Variants in CALN1 observed in about 807,000 individuals in gnomAD.
CALN1 encodes calcium-binding protein 8.
A neutral mutation model predicts 30.6 loss-of-function variants in CALN1; 17 were observed. The ratio of observed to expected loss-of-function variants is 0.56; its 90% CI spans 0.38 to 0.83. CALN1 has a LOEUF of 0.83. Among genes scored for constraint, CALN1 ranks in the 40% least tolerant of loss-of-function variants. The pLI is 0.00. For synonymous variants in CALN1, 156 were observed against 131.4 expected, an observed-to-expected ratio of 1.19 and a Z score of -1.28; for missense variants, 291 against 354.9, an observed-to-expected ratio of 0.82 and a Z score of 1.45.
At chr7:72,457,443 C>G in the CALN1 span, among the ~76,000 whole-genome samples, 1 of 152,084 alleles carries the variant, frequency 6.6e-6, no homozygotes, top group Non-Finnish European at 1.5e-5. Flanking sequence ...CTTGCAACTC[C>G]CAGAAGAGGT....
chr7:72,133,419 T>G lies in CALN1; in HGVS notation c.245-27125A>C, dbSNP rs1387541566. Among the ~76,000 whole-genome samples, 3 of 152,176 alleles carry G rather than the reference T, an allele frequency of 2.0e-5. No homozygotes were observed. The East Asian group carries it at 5.8e-4, about 29-fold the overall frequency. ...GTCCATACTGATATGAATGAATGAA[T>G]AAGACAAGGCTCTTACTTACAGAAT... is the stretch of plus-strand genomic sequence containing the variant. On this transcript the variant is annotated intron_variant, in intron 3 of 6. Transcript: ENST00000395275.
chr7:72,084,680 G>A (rs1341625815), intron 4 of CALN1, among the ~76,000 whole-genome samples: 1 of 151,866 alleles, frequency 6.6e-6, no homozygotes, highest in Non-Finnish European at 1.5e-5. Context: ...TTTTTCAACA[G>A]GAACCAAAGA....
chr7:72,285,374 G>C (rs879272664), intron 2 of CALN1, among the ~76,000 whole-genome samples: 1 of 152,114 alleles, frequency 6.6e-6, no homozygotes, highest in Non-Finnish European at 1.5e-5. Context: ...CTCCCAAGTA[G>C]CTGGGATTAC....
At chr7:72,246,751 C>A (rs1470239281) in intron 3 of CALN1, among the ~76,000 whole-genome samples, 7 of 77,236 alleles carry the variant, frequency 9.1e-5, no homozygotes, top group East Asian at 6.5e-4. Flanking sequence ...CCTACCAGAA[C>A]AATTTTTTTT....
intron 4 of CALN1, among the ~76,000 whole-genome samples, chr7:72,063,944 T>C (rs1181739285): frequency 1.3e-5 from 2 of 152,162 alleles, no homozygotes; most frequent in Admixed American, 6.5e-5. Flanking sequence ...TATGGATGAA[T>C]TGGACATATG....
intron 3 of CALN1, among the ~76,000 whole-genome samples, chr7:72,199,425 G>T (rs1791260576): frequency 6.6e-6 from 1 of 152,142 alleles, no homozygotes; most frequent in Admixed American, 6.5e-5. Context: ...GAAGGAACTG[G>T]CCAAGCACAG....
intron 5 of CALN1, among the ~76,000 whole-genome samples, chr7:71,885,302 C>T (rs1004946312): frequency 2.6e-5 from 4 of 152,160 alleles, no homozygotes; most frequent in Non-Finnish European, 5.9e-5. Flanking sequence ...CAGGCGCCTG[C>T]CACCACACCT....
chr7:72,389,125 G>A (rs1043879136), intron 2 of CALN1, among the ~76,000 whole-genome samples: 11 of 152,180 alleles, frequency 7.2e-5, no homozygotes, highest in Non-Finnish European at 1.6e-4. Context: ...GCAGTATTCT[G>A]AGCAGGTGCT....
chr7:72,442,395 G>A (rs1808375471), intron 1 of CALN1, among the ~76,000 whole-genome samples: 1 of 152,170 alleles, frequency 6.6e-6, no homozygotes, highest in Non-Finnish European at 1.5e-5. Context: ...TATTTATTCA[G>A]GATTGCATTC....
chr7:72,096,700 CA>C (rs1806258690), intron 4 of CALN1, among the ~76,000 whole-genome samples: 1 of 152,196 alleles, frequency 6.6e-6, no homozygotes, highest in Non-Finnish European at 1.5e-5. Flanking sequence ...AAAAGTTTTA[CA>C]CTGATGGTGG....
chr7:72,178,887 T>G (rs1477561615), intron 3 of CALN1, among the ~76,000 whole-genome samples: 1 of 152,194 alleles, frequency 6.6e-6, no homozygotes, highest in East Asian at 1.9e-4. Flanking sequence ...TCAAGTTTAT[T>G]TGATAAAGTC....
At chr7:72,232,269 C>G (rs1341723085) in intron 3 of CALN1, among the ~76,000 whole-genome samples, 1 of 152,096 alleles carries the variant, frequency 6.6e-6, no homozygotes, top group African/African-American at 2.4e-5. Context: ...GAACCGTCAT[C>G]GCAGAGGTGA....
chr7:71,909,005 A>G (rs927664207), intron 5 of CALN1, among the ~76,000 whole-genome samples: 1 of 152,110 alleles, frequency 6.6e-6, no homozygotes, highest in Non-Finnish European at 1.5e-5. Flanking sequence ...TCTCCGTGAC[A>G]TTTTATTGAT....
chr7:72,250,024 C>G (rs139932510), intron 3 of CALN1, among the ~76,000 whole-genome samples: 39 of 152,054 alleles, frequency 2.6e-4, no homozygotes, highest in African/African-American at 9.2e-4. Flanking sequence ...AAGACCGCTC[C>G]TTTAACTCAG....
At chr7:72,344,670 T>G (rs1176785223) in intron 2 of CALN1, among the ~76,000 whole-genome samples, 1 of 147,026 alleles carries the variant, frequency 6.8e-6, no homozygotes, top group Non-Finnish European at 1.5e-5. Flanking sequence ...AAATATATAT[T>G]TTATTTATGT....
upstream of CALN1, among the ~76,000 whole-genome samples, chr7:72,413,415 TACAC>T (rs1407780643): frequency 2.6e-5 from 4 of 151,666 alleles, no homozygotes; most frequent in East Asian, 1.9e-4. Flanking sequence ...TGCACATTCT[TACAC>T]ACACGTACAC....
chr7:72,095,986 C>T (rs1211392039), intron 4 of CALN1, among the ~76,000 whole-genome samples: 1 of 152,008 alleles, frequency 6.6e-6, no homozygotes, highest in Non-Finnish European at 1.5e-5. Flanking sequence ...CTGCAGTGAG[C>T]TATGATGACA....
chr7:72,032,132 C>T (rs534015361), intron 4 of CALN1, among the ~76,000 whole-genome samples: 3 of 141,418 alleles, frequency 2.1e-5, no homozygotes, highest in Non-Finnish European at 3.0e-5. Flanking sequence ...GATCTCAGCT[C>T]ACTGCAAGCT....
chr7:72,148,735 T>C (rs1365516984), intron 3 of CALN1, among the ~76,000 whole-genome samples: 1 of 151,888 alleles, frequency 6.6e-6, no homozygotes, highest in African/African-American at 2.4e-5. Flanking sequence ...CAAAACCCCA[T>C]CTCTATTAAA....
Sources: allele counts gnomAD v4.1 joint callset (sites outside exome capture counted in the v4.1 genomes callset), GRCh38; gene constraint gnomAD v4.1.1; transcripts MANE v1.5; gene names NCBI Gene and HGNC (gene_info 2026-07-23, HGNC 2026-07-21).